Variants in MARCHF2 observed in about 807,000 individuals in gnomAD.
MARCHF2 encodes the protein E3 ubiquitin-protein ligase MARCHF2.
A neutral mutation model predicts 24.0 loss-of-function variants in MARCHF2; 22 were observed. That is an observed-to-expected ratio of 0.92 (90% CI 0.66 to 1.31). The LOEUF (loss-of-function observed/expected upper bound fraction) is 1.31. Among genes scored for constraint, MARCHF2 ranks in the 50% most tolerant of loss-of-function variants. The pLI is 0.00. For missense variants in MARCHF2, 301 were observed against 335.3 expected (o/e 0.90, Z 0.80); for synonymous variants, 154 against 153.0 (o/e 1.01, Z -0.05).
intron 1 of MARCHF2, among the ~76,000 whole-genome samples, chr19:8,420,715 G>A (rs868504062): frequency 1.2e-4 from 18 of 151,940 alleles, no homozygotes; most frequent in East Asian, 5.8e-4. Context: ...TGTGGGCACC[G>A]TCATAGCTCA....
intron 1 of MARCHF2, among the ~76,000 whole-genome samples, chr19:8,416,411 G>A (rs1478594817): frequency 1.3e-5 from 2 of 151,896 alleles, no homozygotes; most frequent in South Asian, 2.1e-4. Context: ...TAGACAGAGG[G>A]CCAGGTGCTG....
At chr19:8,421,184 G>A (rs1167451859) in intron 1 of MARCHF2, among the ~76,000 whole-genome samples, 6 of 149,910 alleles carry the variant, frequency 4.0e-5, no homozygotes, top group Admixed American at 6.7e-5. Context: ...GTGCAGTGGC[G>A]TGATCTCGGC....
At chr19:8,426,218 G>A (rs753041927) in intron 2 of MARCHF2, among the ~76,000 whole-genome samples, 111 of 124,044 alleles carry the variant, frequency 8.9e-4, no homozygotes, top group Non-Finnish European at 1.4e-3. Flanking sequence ...GTGACAGAGC[G>A]AGACTCTGTC....
intron 2 of MARCHF2, among the ~76,000 whole-genome samples, chr19:8,426,194 G>C (rs1054327986): frequency 7.4e-6 from 1 of 134,790 alleles, no homozygotes; most frequent in Non-Finnish European, 1.5e-5. Flanking sequence ...TCGCACCACT[G>C]CACTCCAGCC....
Position 8,424,673 on chromosome 19 carries a change from GA to G in MARCHF2, c.177-1925del, listed in dbSNP as rs776136572. 7.7e-3 allele frequency among the ~76,000 whole-genome samples: 1,118 copies of G among 145,182 alleles called. 20 individuals carry two copies. The highest frequency in any genetic ancestry group is 0.021 in the African/African-American group (843 of 39,880). On this transcript the variant is annotated intron_variant, in intron 2 of 4. Transcript: ENST00000215555. ...CAGAGCAACACTGTCTCAAAAAAAA[GA>G]AAAAAAAAAATCTACCTTTCCCTGT...
chr19:8,425,574 C>G (rs146945244), intron 2 of MARCHF2, among the ~76,000 whole-genome samples: 359 of 151,766 alleles, frequency 2.4e-3, no homozygotes, highest in African/African-American at 8.3e-3. Flanking sequence ...AGTATGAGGC[C>G]TGAGGTCATG....
chr19:8,438,334 T>C (rs1309901669), intron 4 of MARCHF2, 54 bp from the exon 5 acceptor site: 61 of 1,593,810 alleles, frequency 3.8e-5, no homozygotes, highest in Non-Finnish European at 5.2e-5. Context: ...CACGGCGACT[T>C]GTTTTCCTCC....
intron 1 of MARCHF2, among the ~76,000 whole-genome samples, chr19:8,419,624 A>G (rs567036978): frequency 0.012 from 1,599 of 136,656 alleles, 23 homozygotes; most frequent in African/African-American, 0.039. Context: ...AGACCATCCT[A>G]GCTAACACGG....
chr19:8,434,319 A>AAGAGTG, intron 4 of MARCHF2, among the ~76,000 whole-genome samples: 1 of 152,114 alleles, frequency 6.6e-6, no homozygotes, highest in South Asian at 2.1e-4. Context: ...TCTTGACCTC[A>AAGAGTG]GGTATCCACC....
intron 1 of MARCHF2, among the ~76,000 whole-genome samples, chr19:8,415,736 A>AG (rs1568233647): frequency 1.4e-5 from 1 of 71,332 alleles, no homozygotes; most frequent in Non-Finnish European, 3.0e-5. Flanking sequence ...AAAAAAAAAC[A>AG]AAAAAAACAA....
At chr19:8,428,680 A>AAAC (rs1568239479) in intron 3 of MARCHF2, among the ~76,000 whole-genome samples, 3 of 147,474 alleles carry the variant, frequency 2.0e-5, no homozygotes, top group African/African-American at 7.5e-5. Flanking sequence ...AAAAAAAAAA[A>AAAC]AAACCAAGGC....
chr19:8,422,993 G>A (rs1396422384), intron 2 of MARCHF2, among the ~76,000 whole-genome samples: 3 of 111,686 alleles, frequency 2.7e-5, no homozygotes, highest in Non-Finnish European at 3.6e-5. Flanking sequence ...GTGAGCCACC[G>A]CGCCTGGCCG....
At chr19:8,429,675 T>C (rs149054191) in intron 3 of MARCHF2, among the ~76,000 whole-genome samples, 6,834 of 151,430 alleles carry the variant, frequency 0.045, 310 homozygotes, top group Admixed American at 0.13. Flanking sequence ...CAGCTAATTT[T>C]GTATTTTTAG....
At chr19:8,422,870 A>G (rs1967289044) in intron 2 of MARCHF2, among the ~76,000 whole-genome samples, 1 of 140,334 alleles carries the variant, frequency 7.1e-6, no homozygotes, top group South Asian at 2.3e-4. Context: ...ACACCCAGCT[A>G]ATTTTTGTAT....
chr19:8,436,216 C>T (rs1967718047), intron 4 of MARCHF2, among the ~76,000 whole-genome samples: 1 of 151,784 alleles, frequency 6.6e-6, no homozygotes, highest in Admixed American at 6.6e-5. Flanking sequence ...CTCACTGCAA[C>T]TTCCGCCTCC....
intron 4 of MARCHF2, 22 bp from the exon 5 acceptor site, chr19:8,438,366 T>C (rs537463850): frequency 1.2e-6 from 2 of 1,611,956 alleles, no homozygotes; most frequent in South Asian, 1.1e-5. Flanking sequence ...AGGCCTCCGC[T>C]CACTGCAGGG....
intron 2 of MARCHF2, 82 bp from the exon 3 acceptor site, chr19:8,426,527 T>G: frequency 7.6e-5 from 87 of 1,146,104 alleles, no homozygotes; most frequent in Non-Finnish European, 9.8e-5. Flanking sequence ...GGGGTAAGGG[T>G]GAGCTTGTGA....
intron 1 of MARCHF2, among the ~76,000 whole-genome samples, chr19:8,419,897 A>C (rs983862187): frequency 6.7e-6 from 1 of 149,932 alleles, no homozygotes; most frequent in African/African-American, 2.5e-5. Context: ...AGTGGCTCAC[A>C]CCTGTAATCC....
intron 1 of MARCHF2, among the ~76,000 whole-genome samples, chr19:8,418,031 T>C (rs1967131022): frequency 6.6e-6 from 1 of 151,824 alleles, no homozygotes; most frequent in Non-Finnish European, 1.5e-5. Flanking sequence ...CCCAAAGTGC[T>C]GGGATTACAT....
Sources: allele counts gnomAD v4.1 joint callset (sites outside exome capture counted in the v4.1 genomes callset), GRCh38; gene constraint gnomAD v4.1.1; transcripts MANE v1.5; gene names NCBI Gene and HGNC (gene_info 2026-07-23, HGNC 2026-07-21).